The following LSM8 variants were observed in gnomAD, a reference collection of about 807,000 sequenced individuals.
LSM8 encodes the protein LSM8 homolog, U6 small nuclear RNA associated, also known as LSM8 U6 small nuclear RNA associated.
In LSM8, 14 loss-of-function variants were observed where a neutral mutation model predicts 15.0. The ratio of observed to expected loss-of-function variants is 0.93; its 90% CI spans 0.62 to 1.46. The LOEUF (loss-of-function observed/expected upper bound fraction) is 1.46, where lower values mean the gene tolerates loss of function less well. LSM8 is among the 40% of genes most tolerant of loss of function. The pLI is 0.00. For missense variants in LSM8, 90 were observed against 115.4 expected, an observed-to-expected ratio of 0.78 and a Z score of 1.01; for synonymous variants, 50 against 42.1, an observed-to-expected ratio of 1.19 and a Z score of -0.73.
chr7:118,185,793 C>A, intron 2 of LSM8, 99 bp downstream of exon 2: 3 of 1,017,946 alleles, frequency 2.9e-6, no homozygotes, highest in East Asian at 2.4e-5. Context: ...CAGCACATTA[C>A]ACCCGTAGTG....
rs746044493 is a variant in LSM8, at chr7:118,201,736, TATAAA to T, written c.*9742_*9746del. Among the ~76,000 whole-genome samples, 1 of 152,094 alleles carries T rather than the reference TATAAA, an allele frequency of 6.6e-6. No individual in the cohort carries two copies. The highest frequency in any genetic ancestry group is 6.6e-5 in the Admixed American group (1 of 15,228). On this transcript the variant is annotated 3_prime_UTR_variant, in exon 4 of 4. Coordinates refer to ENST00000249299, the MANE Select transcript of LSM8 (RefSeq NM_016200.5). ...TCTGTACAATTCTAGTTATTTGAAA[TATAAA>T]ATAAAATTATTGGTCATTTCATGTA...
At position 118,195,432 on chromosome 7, in the gene LSM8, G is replaced by A. The variant is rs1809062984; in HGVS notation, c.*3430G>A. On this transcript the variant is annotated 3_prime_UTR_variant, in exon 4 of 4. Transcript: ENST00000249299. Reference sequence around the variant, plus strand: ...TTTAATACTATTCCAGGTAGTCAAAGGCCAATGTATAAAAGTTAAAAATAT... The same window carrying A: ...TTTAATACTATTCCAGGTAGTCAAAAGCCAATGTATAAAAGTTAAAAATAT... 6.6e-6 allele frequency among the ~76,000 whole-genome samples: 1 copy of A among 152,116 alleles called. No homozygotes were observed. The highest frequency in any genetic ancestry group is 2.1e-4 in the South Asian group (1 of 4,828).
chr7:118,201,414 C>T lies in LSM8; in HGVS notation c.*9412C>T, dbSNP rs1809171809. ...ATGACATCATTTCAGCACCTGGATC[C>T]AGCGATGCCTAAAGATGTGACTCCT... On this transcript the variant is annotated 3_prime_UTR_variant, in exon 4 of 4. Transcript: ENST00000249299. Among the ~76,000 whole-genome samples, 1 of 151,994 alleles carries T rather than the reference C, an allele frequency of 6.6e-6. No individual in the cohort carries two copies.
intron 3 of LSM8, chr7:118,190,707 C>T (rs2115921482): frequency 6.6e-6 from 1 of 152,222 alleles, no homozygotes; most frequent in Non-Finnish European, 1.5e-5. Context: ...TTTGAGAAAA[C>T]TTAATTCATT....
chr7:118,200,867 A>G lies in LSM8; in HGVS notation c.*8865A>G, dbSNP rs10480726. ...CAGTTTCTACTTGTTTCTTGTAAAA[A>G]AGGAGGTTTCTAAATCTTGACTGTT... is the stretch of plus-strand genomic sequence containing the variant. On this transcript the variant is annotated 3_prime_UTR_variant, in exon 4 of 4. Coordinates refer to ENST00000249299, the MANE Select transcript of LSM8 (RefSeq NM_016200.5). Among the ~76,000 whole-genome samples, 1,846 of 152,170 alleles carry G rather than the reference A, an allele frequency of 0.012. 38 individuals are homozygous for G. The highest frequency in any genetic ancestry group is 0.041 in the African/African-American group (1,719 of 41,536).
At chr7:118,190,107 A>T (rs1808953761) in intron 3 of LSM8, 1 of 152,216 alleles carries the variant, frequency 6.6e-6, no homozygotes, top group South Asian at 2.1e-4. Flanking sequence ...TGTCCCCTGG[A>T]ATAACTTAAA....
In LSM8 at chr7:118,192,813, A is replaced by C. The variant is rs1322104406; in HGVS notation, c.*811A>C. Reference sequence around the variant, plus strand: ...TTATAAATGTGAGTAAATAAACTCTAAGTTTGTATTGAAGTAGTGCTAGCT... The same window carrying C: ...TTATAAATGTGAGTAAATAAACTCTCAGTTTGTATTGAAGTAGTGCTAGCT... On this transcript the variant is annotated 3_prime_UTR_variant, in exon 4 of 4. Coordinates refer to ENST00000249299, the MANE Select transcript of LSM8 (RefSeq NM_016200.5). 1 of 152,174 alleles carries C rather than the reference A, an allele frequency of 6.6e-6. No individual in the cohort carries two copies. 9.4% of individuals were successfully genotyped at this position (152,174 alleles called of 1,614,324 possible). A position where few individuals can be genotyped will look rare whatever the true frequency, so the allele number is the denominator to read the frequency against.
Position 118,201,092 on chromosome 7 carries a change from T to G in LSM8, c.*9090T>G, listed in dbSNP as rs1458180766. ...GCAAAAGGCAAATTTGAAATAACTATAAAAATAAACCTTTAATGAACTTTT... is the reference window on the plus strand; with the variant it reads ...GCAAAAGGCAAATTTGAAATAACTAGAAAAATAAACCTTTAATGAACTTTT... On this transcript the variant is annotated 3_prime_UTR_variant, in exon 4 of 4. Coordinates refer to ENST00000249299, the MANE Select transcript of LSM8 (RefSeq NM_016200.5). Among the ~76,000 whole-genome samples, 5 of 152,226 alleles carry G rather than the reference T, an allele frequency of 3.3e-5. No individual in the cohort carries two copies. Among genetic ancestry groups the G allele is most frequent in the Non-Finnish European group, 5.9e-5 (4 of 67,994 alleles).
intron 3 of LSM8, 117 bp from the exon 4 acceptor site, chr7:118,191,795 C>CT (rs1350222297): frequency 2.8e-6 from 2 of 717,190 alleles, no homozygotes; most frequent in Non-Finnish European, 4.6e-6. Context: ...TTACTGTGCT[C>CT]TCTCAGTTTT....
Position 118,193,029 on chromosome 7 carries a change from A to G in LSM8, c.*1027A>G, listed in dbSNP as rs912348053. Among the ~76,000 whole-genome samples the G allele has an allele frequency of 2.0e-5, 3 of 152,286 alleles. No homozygotes were observed. In the South Asian group the frequency reaches 6.2e-4, roughly 32 times the overall value. ...TTTGTGATGAGAAGAACATAGAAAA[A>G]TATTTACATCCTTGTAATTGAAACA... On this transcript the variant is annotated 3_prime_UTR_variant, in exon 4 of 4. Coordinates refer to ENST00000249299, the MANE Select transcript of LSM8 (RefSeq NM_016200.5).
rs908034202 is a variant in LSM8, at chr7:118,184,189, C to A, written c.-35C>A. The A allele has an allele frequency of 6.5e-7, 1 of 1,543,142 alleles. No individual in the cohort carries two copies. Among genetic ancestry groups the A allele is most frequent in the Non-Finnish European group, 8.7e-7 (1 of 1,143,290 alleles). ...CTTTCAGTTCTGCTTGCTGTCGGCA[C>A]CGCTGCGTTACCCGGAACCGCCGGG... On this transcript the variant is annotated 5_prime_UTR_variant, in exon 1 of 4. Coordinates refer to ENST00000249299, the MANE Select transcript of LSM8 (RefSeq NM_016200.5).
chr7:118,203,853 A>G lies in LSM8; in HGVS notation c.*11851A>G, dbSNP rs1458137208. On this transcript the variant is annotated 3_prime_UTR_variant, in exon 4 of 4. Transcript: ENST00000249299. ...CTTTTTTGAATAAATTTGCCACCTT[A>G]TTGCATATGAAGAATATCTCCATAT... Among the ~76,000 whole-genome samples the G allele has an allele frequency of 6.6e-6, 1 of 151,714 alleles. No individual in the cohort carries two copies. The highest frequency in any genetic ancestry group is 2.4e-5 in the African/African-American group (1 of 41,380).
rs969741280 is a variant in LSM8 at position 118,194,481 on chromosome 7, A to C, written c.*2479A>C. 3.3e-5 allele frequency among the ~76,000 whole-genome samples: 5 copies of C among 152,152 alleles called. No homozygotes were observed. The highest frequency in any genetic ancestry group is 1.2e-4 in the African/African-American group (5 of 41,434). ...ATGCTGACAGTTTTGGCTAAATATT[A>C]CAAATCTTGATCCCAGAAGAGCAAG... is the stretch of plus-strand genomic sequence containing the variant. On this transcript the variant is annotated 3_prime_UTR_variant, in exon 4 of 4. Transcript: ENST00000249299.
chr7:118,187,200 T>TTTTATTTCATTCTCA (rs1171608755), intron 2 of LSM8, among the ~76,000 whole-genome samples: 3 of 132,140 alleles, frequency 2.3e-5, no homozygotes, highest in African/African-American at 8.6e-5. Context: ...TTCATTCTCT[T>TTTTATTTCATTCTCA]TTTTATTTCA....
chr7:118,191,000 G>C (rs1242563198), intron 3 of LSM8: 1 of 152,114 alleles, frequency 6.6e-6, no homozygotes, highest in Admixed American at 6.6e-5. Context: ...AGCTACTCGG[G>C]AGGCTGAAGC....
Position 118,203,711 on chromosome 7 carries a change from C to CT in LSM8, c.*11714dup, listed in dbSNP as rs370858997. 6.6e-6 allele frequency among the ~76,000 whole-genome samples: 1 copy of CT among 151,690 alleles called. No homozygotes were observed. The highest frequency in any genetic ancestry group is 1.5e-5 in the Non-Finnish European group (1 of 67,770). On this transcript the variant is annotated 3_prime_UTR_variant, in exon 4 of 4. Coordinates refer to ENST00000249299, the MANE Select transcript of LSM8 (RefSeq NM_016200.5). ...TGGAAAAATCATCAAGATTCTCTTC[C>CT]TTTTTATGATTCTATAGTAACAGTT...
In LSM8 at chr7:118,185,665, G is replaced by T. The variant is rs775304554; in HGVS notation, c.43G>T (p.Val15Phe). The change falls in exon 2 of 4, where the codon GTT becomes TTT. Residue 15 changes from valine to phenylalanine, a missense_variant. Coordinates refer to ENST00000249299, the MANE Select transcript of LSM8 (RefSeq NM_016200.5). ...GATTCAGTTATCAGGAACTGTTGCCGTTATTACATCAGATGGGAGAATGAT... is the reference window on the plus strand; with the variant it reads ...GATTCAGTTATCAGGAACTGTTGCCTTTATTACATCAGATGGGAGAATGAT... ...LENYINRTVAVITSDGRMIVG... is the reference protein window; with the variant it reads ...LENYINRTVAFITSDGRMIVG... The T allele has an allele frequency of 4.5e-5, 72 of 1,610,572 alleles. No individual in the cohort carries two copies. Among genetic ancestry groups the T allele is most frequent in the Non-Finnish European group, 5.8e-5 (68 of 1,177,218 alleles).
chr7:118,198,623 C>T lies in LSM8; in HGVS notation c.*6621C>T, dbSNP rs10268530. Among the ~76,000 whole-genome samples, 3,655 of 152,142 alleles carry T rather than the reference C, an allele frequency of 0.024. 141 individuals carry two copies. Among genetic ancestry groups the T allele is most frequent in the African/African-American group, 0.083 (3,434 of 41,492 alleles). ...GGAAATGGATGACTTGTGCTTGACC[C>T]TAAGGATAGTAAGGATTTCCATAGA... is the stretch of plus-strand genomic sequence containing the variant. On this transcript the variant is annotated 3_prime_UTR_variant, in exon 4 of 4. Coordinates refer to ENST00000249299, the MANE Select transcript of LSM8 (RefSeq NM_016200.5).
intron 1 of LSM8, 166 bp downstream of exon 1, chr7:118,184,420 C>A: frequency 1.3e-6 from 1 of 762,018 alleles, no homozygotes; most frequent in Non-Finnish European, 1.9e-6. Context: ...CTCGAGCCTT[C>A]CCGCTGCTGC....
Sources: allele counts gnomAD v4.1 joint callset (sites outside exome capture counted in the v4.1 genomes callset), GRCh38; gene constraint gnomAD v4.1.1; transcripts MANE v1.5; gene names NCBI Gene and HGNC (gene_info 2026-07-23, HGNC 2026-07-21).